Variants in PARN observed in about 807,000 individuals in gnomAD.
The protein encoded by PARN is poly(A)-specific ribonuclease, also known as poly(A)-specific ribonuclease PARN.
PARN carries 71 observed loss-of-function variants against 102.8 expected under a neutral mutation model. The observed-to-expected ratio is 0.69, with a 90% CI of 0.57 to 0.84. PARN has a LOEUF of 0.84. PARN is among the 40% of genes least tolerant of loss of function. The pLI, the probability that PARN is intolerant of heterozygous loss-of-function variation, is 0.00. For synonymous variants in PARN, 261 were observed against 252.9 expected, an observed-to-expected ratio of 1.03 and a Z score of -0.30; for missense variants, 782 against 760.9, an observed-to-expected ratio of 1.03 and a Z score of -0.33.
chr16:14,564,581 G>A (rs1038804100), intron 18 of PARN, among the ~76,000 whole-genome samples: 2 of 152,300 alleles, frequency 1.3e-5, no homozygotes, highest in African/African-American at 4.8e-5. Context: ...GGTGAGGCGA[G>A]GCCTCAGAGG....
chr16:14,458,664 G>A (rs1961802930), intron 22 of PARN, among the ~76,000 whole-genome samples: 1 of 152,136 alleles, frequency 6.6e-6, no homozygotes, highest in Non-Finnish European at 1.5e-5. Flanking sequence ...ATTAAGCCAT[G>A]CAAAATCTCA....
chr16:14,471,870 C>T (rs1053327357), intron 22 of PARN, among the ~76,000 whole-genome samples: 1 of 152,190 alleles, frequency 6.6e-6, no homozygotes, highest in African/African-American at 2.4e-5. Flanking sequence ...TACATTTTTA[C>T]AATTTGCTTG....
chr16:14,545,164 A>G (rs1167422445), intron 21 of PARN, among the ~76,000 whole-genome samples: 1 of 152,216 alleles, frequency 6.6e-6, no homozygotes, highest in Admixed American at 6.5e-5. Context: ...TGGGTGACAG[A>G]GCCAGACTCT....
chr16:14,472,230 T>C (rs1962789249), intron 22 of PARN, among the ~76,000 whole-genome samples: 1 of 152,252 alleles, frequency 6.6e-6, no homozygotes, highest in Non-Finnish European at 1.5e-5. Flanking sequence ...TTTTCCTGGT[T>C]AATCATTCTA....
rs553765320 is a variant in PARN, at chr16:14,441,240, T to C, written c.1865-4468A>G. Among the ~76,000 whole-genome samples the C allele has an allele frequency of 3.9e-5, 6 of 152,342 alleles. No homozygotes were observed. The East Asian group carries it at 1.2e-3, about 29-fold the overall frequency. On this transcript the variant is annotated intron_variant, in intron 23 of 23. Coordinates refer to ENST00000437198, the MANE Select transcript of PARN (RefSeq NM_002582.4). ...GGGGGCTGGGGGCTTAATTGTCTTCTATTTTTCTGCATTTTCCAAATTCTC... is the reference window on the plus strand; with the variant it reads ...GGGGGCTGGGGGCTTAATTGTCTTCCATTTTTCTGCATTTTCCAAATTCTC...
chr16:14,457,921 TGTGTGTGTGG>T (rs1051865506), intron 22 of PARN, among the ~76,000 whole-genome samples: 138 of 136,820 alleles, frequency 1.0e-3, no homozygotes, highest in Non-Finnish European at 1.6e-3. Context: ...TGTGTGGGGG[TGTGTGTGTGG>T]GTGTGTGTGT....
chr16:14,526,191 T>G (rs1487617620), intron 21 of PARN, among the ~76,000 whole-genome samples: 1 of 150,368 alleles, frequency 6.7e-6, no homozygotes, highest in African/African-American at 2.4e-5. Context: ...TTTTTTTTTT[T>G]TTTGAGACGG....
rs1298392609 is a variant in PARN at position 14,541,929 on chromosome 16, A to G, written c.1480+10092T>C. ...TCAATATACAAAGAACCAGGAAAAC[A>G]TGACCCATTCTCAAGGGAAACCATC... is the stretch of plus-strand genomic sequence containing the variant. On this transcript the variant is annotated intron_variant, in intron 21 of 23. Transcript: ENST00000437198. Among the ~76,000 whole-genome samples the G allele has an allele frequency of 2.0e-5, 3 of 152,240 alleles. No individual in the cohort carries two copies. In the East Asian group the frequency reaches 5.8e-4, roughly 29 times the overall value.
intron 22 of PARN, among the ~76,000 whole-genome samples, chr16:14,453,598 C>T (rs942860762): frequency 1.3e-5 from 2 of 152,240 alleles, no homozygotes; most frequent in Non-Finnish European, 2.9e-5. Flanking sequence ...TCACTCTGCA[C>T]TCAATCCACA....
intron 18 of PARN, among the ~76,000 whole-genome samples, chr16:14,580,635 G>A (rs561400067): frequency 6.6e-6 from 1 of 152,012 alleles, no homozygotes; most frequent in South Asian, 2.1e-4. Flanking sequence ...TTTCTTGGAA[G>A]AGATCTACTA....
intron 21 of PARN, among the ~76,000 whole-genome samples, chr16:14,547,160 A>C (rs908568207): frequency 2.0e-5 from 3 of 152,094 alleles, no homozygotes; most frequent in Non-Finnish European, 4.4e-5. Flanking sequence ...CAAATGGTGA[A>C]GGTAAGTGGT....
chr16:14,600,641 C>T (rs1405932323), intron 11 of PARN, among the ~76,000 whole-genome samples: 1 of 152,062 alleles, frequency 6.6e-6, no homozygotes, highest in Non-Finnish European at 1.5e-5. Context: ...AAAACTAACC[C>T]CAACACTGGC....
intron 18 of PARN, among the ~76,000 whole-genome samples, chr16:14,559,264 T>C (rs1967901621): frequency 6.6e-6 from 1 of 151,978 alleles, no homozygotes; most frequent in African/African-American, 2.4e-5. Context: ...TTTTTCCATT[T>C]AGATGTTTTG....
At position 14,582,239 on chromosome 16, in the gene PARN, C is replaced by A. The variant is rs1440095561; in HGVS notation, c.1134G>T (p.Glu378Asp). The part of the protein sequence containing the change: ...SYDTASEQLH[E>D]AGYDAYITGL... ...CTGTGATGTAGGCATCGTAGCCTGC[C>A]TCGTGGAGTTGTTCAGAGGCTGTGT... Residue 378 changes from glutamate to aspartate, a missense_variant, in exon 17 of 24, where the codon GAG (glutamate) becomes GAT (aspartate). Coordinates refer to ENST00000437198, the MANE Select transcript of PARN (RefSeq NM_002582.4). The A allele has an allele frequency of 6.2e-7, 1 of 1,613,860 alleles. No individual in the cohort carries two copies. The highest frequency in any genetic ancestry group is 8.5e-7 in the Non-Finnish European group (1 of 1,179,790).
At chr16:14,545,949 A>G (rs1262335598) in intron 21 of PARN, among the ~76,000 whole-genome samples, 1 of 152,232 alleles carries the variant, frequency 6.6e-6, no homozygotes, top group Non-Finnish European at 1.5e-5. Flanking sequence ...AGTAAACCCA[A>G]GCAAGTAAAA....
intron 21 of PARN, among the ~76,000 whole-genome samples, chr16:14,509,912 T>C (rs1159986337): frequency 6.6e-6 from 1 of 152,114 alleles, no homozygotes; most frequent in African/African-American, 2.4e-5. Context: ...CTCACCAGAG[T>C]TGGAAAACAA....
chr16:14,543,990 T>C (rs1350575004), intron 21 of PARN, among the ~76,000 whole-genome samples: 3 of 150,886 alleles, frequency 2.0e-5, no homozygotes, highest in Admixed American at 6.6e-5. Context: ...AGGTCGGGAG[T>C]TCAAGACCAG....
At chr16:14,441,227 CTTAA>C (rs575621787) in intron 23 of PARN, among the ~76,000 whole-genome samples, 7 of 152,126 alleles carry the variant, frequency 4.6e-5, no homozygotes, top group Admixed American at 6.6e-5. Flanking sequence ...GGGCTGGGGG[CTTAA>C]TTGTCTTCTA....
At chr16:14,591,529 T>C (rs1970192501) in intron 13 of PARN, among the ~76,000 whole-genome samples, 1 of 152,230 alleles carries the variant, frequency 6.6e-6, no homozygotes, top group Non-Finnish European at 1.5e-5. Flanking sequence ...TTGGTTTACG[T>C]ATTCTATGGC....
Sources: gnomAD v4.1 joint callset for allele counts (sites outside exome capture counted in the v4.1 genomes callset) on GRCh38, gnomAD v4.1.1 for gene constraint, MANE v1.5 for transcripts, NCBI Gene and HGNC (gene_info 2026-07-23, HGNC 2026-07-21) for gene names.